Variants in NTM observed in about 807,000 individuals in gnomAD.
NTM encodes IgLON family member 2.
NTM carries 13 observed loss-of-function variants against 42.1 expected under a neutral mutation model. The ratio of observed to expected loss-of-function variants is 0.31; its 90% CI spans 0.20 to 0.49. The LOEUF is 0.49. NTM is among the 20% of genes least tolerant of loss of function. The pLI is 0.99. For synonymous variants in NTM, 187 were observed against 179.2 expected (o/e 1.04, Z -0.35); for missense variants, 373 against 452.8 (o/e 0.82, Z 1.60).
intron 1 of NTM, among the ~76,000 whole-genome samples, chr11:131,908,127 T>G (rs892625060): frequency 2.6e-5 from 4 of 152,216 alleles, no homozygotes; most frequent in African/African-American, 9.6e-5. Flanking sequence ...CTGCAACTGC[T>G]GGATTGCTAA....
intron 2 of NTM, among the ~76,000 whole-genome samples, chr11:132,042,942 A>C (rs1490840412): frequency 6.6e-6 from 1 of 152,160 alleles, no homozygotes; most frequent in African/African-American, 2.4e-5. Flanking sequence ...GCACAAAATA[A>C]ATATTTTAGA....
intron 2 of NTM, among the ~76,000 whole-genome samples, chr11:131,973,528 A>G (rs1450849596): frequency 1.3e-5 from 2 of 152,210 alleles, no homozygotes; most frequent in East Asian, 1.9e-4. Context: ...TTAGAAGACT[A>G]ACTGGCACAG....
intron 1 of NTM, among the ~76,000 whole-genome samples, chr11:131,616,135 G>T (rs2061909659): frequency 6.6e-6 from 1 of 152,194 alleles, no homozygotes; most frequent in Non-Finnish European, 1.5e-5. Context: ...TCAAGAGGTA[G>T]CAAATCATCT....
chr11:132,061,291 A>C (rs887311611), intron 2 of NTM, among the ~76,000 whole-genome samples: 2 of 152,226 alleles, frequency 1.3e-5, no homozygotes, highest in African/African-American at 4.8e-5. Flanking sequence ...TTCTAATAGA[A>C]TGGCCAATAA....
At chr11:131,892,365 T>G (rs912567032) in intron 1 of NTM, among the ~76,000 whole-genome samples, 3 of 152,268 alleles carry the variant, frequency 2.0e-5, no homozygotes, top group African/African-American at 4.8e-5. Flanking sequence ...TTTCTCATTC[T>G]CAAAAGTTTA....
intron 1 of NTM, among the ~76,000 whole-genome samples, chr11:131,729,994 T>C (rs998520588): frequency 6.6e-6 from 1 of 152,240 alleles, no homozygotes; most frequent in Non-Finnish European, 1.5e-5. Flanking sequence ...GGTAATTCTA[T>C]ATTTAACATT....
intron 1 of NTM, among the ~76,000 whole-genome samples, chr11:131,568,304 A>G (rs533379389): frequency 7.2e-5 from 11 of 152,352 alleles, no homozygotes; most frequent in African/African-American, 2.6e-4. Flanking sequence ...CTTGCAAGAC[A>G]GTGAATATTA....
chr11:131,841,707 G>C (rs559326152), intron 1 of NTM, among the ~76,000 whole-genome samples: 1 of 152,314 alleles, frequency 6.6e-6, no homozygotes, highest in African/African-American at 2.4e-5. Flanking sequence ...TGAGGGGTCA[G>C]TCCTGAAGGT....
chr11:131,510,694 T>C (rs1227846027), intron 1 of NTM, among the ~76,000 whole-genome samples: 2 of 152,250 alleles, frequency 1.3e-5, no homozygotes, highest in African/African-American at 4.8e-5. Flanking sequence ...TGGGGGCCTT[T>C]GTAACTGGAT....
At chr11:132,001,554 A>G (rs534897224) in intron 2 of NTM, among the ~76,000 whole-genome samples, 4 of 152,220 alleles carry the variant, frequency 2.6e-5, no homozygotes, top group South Asian at 4.1e-4. Flanking sequence ...GGAAGCAAGT[A>G]TCTCCACATG....
intron 1 of NTM, among the ~76,000 whole-genome samples, chr11:131,735,925 C>T (rs1015233157): frequency 3.4e-4 from 52 of 151,324 alleles, no homozygotes; most frequent in African/African-American, 1.3e-3. Context: ...CCTCCACCTC[C>T]CTGTTAAAGA....
intron 4 of NTM, among the ~76,000 whole-genome samples, chr11:132,296,867 T>C (rs1399513023): frequency 6.6e-6 from 1 of 152,218 alleles, no homozygotes. Context: ...GCAGAGCCCA[T>C]GCACGTGTTT....
At chr11:132,245,579 G>T (rs1456537717) in intron 4 of NTM, among the ~76,000 whole-genome samples, 1 of 152,170 alleles carries the variant, frequency 6.6e-6, no homozygotes, top group African/African-American at 2.4e-5. Flanking sequence ...GCAGGGAAAG[G>T]CTGGGAGTGA....
chr11:132,266,249 G>A (rs530980253), intron 4 of NTM, among the ~76,000 whole-genome samples: 1 of 152,156 alleles, frequency 6.6e-6, no homozygotes, highest in African/African-American at 2.4e-5. Flanking sequence ...TTAACTCTCC[G>A]CAAGTCCAGC....
At chr11:132,019,890 A>G (rs758793912) in intron 2 of NTM, among the ~76,000 whole-genome samples, 1 of 151,332 alleles carries the variant, frequency 6.6e-6, no homozygotes, top group Non-Finnish European at 1.5e-5. Context: ...CAGGTTTGTT[A>G]CAAAGGGATC....
Position 132,254,173 on chromosome 11 carries a change from T to C in NTM, c.526+42026T>C, listed in dbSNP as rs1591552089. On this transcript the variant is annotated intron_variant, in intron 4 of 8. Coordinates refer to ENST00000683400, the MANE Select transcript of NTM (RefSeq NM_001352005.2). ...CCAGGCACTTAGCCCTTAGACGCAC[T>C]GACAGGGCCTGTGTGTTCTACTGAG... Among the ~76,000 whole-genome samples the C allele has an allele frequency of 2.6e-5, 4 of 152,238 alleles. No individual in the cohort carries two copies. In the South Asian group the frequency reaches 8.3e-4, roughly 32 times the overall value.
At chr11:132,161,984 C>A (rs2074386646) in intron 3 of NTM, among the ~76,000 whole-genome samples, 1 of 152,164 alleles carries the variant, frequency 6.6e-6, no homozygotes, top group South Asian at 2.1e-4. Context: ...CACATCCAAC[C>A]CCGGTTGAAA....
intron 1 of NTM, among the ~76,000 whole-genome samples, chr11:131,375,615 A>G (rs1435194739): frequency 6.6e-6 from 1 of 152,134 alleles, no homozygotes; most frequent in Non-Finnish European, 1.5e-5. Flanking sequence ...AGGAGGCTTC[A>G]GTGTGGGACT....
chr11:131,513,570 T>A (rs986269217), intron 1 of NTM, among the ~76,000 whole-genome samples: 38 of 152,208 alleles, frequency 2.5e-4, no homozygotes, highest in African/African-American at 8.7e-4. Context: ...CCCAAGTCCT[T>A]CTTCCACTGT....
Sources: gnomAD v4.1 joint callset for allele counts (sites outside exome capture counted in the v4.1 genomes callset) on GRCh38, gnomAD v4.1.1 for gene constraint, MANE v1.5 for transcripts, NCBI Gene and HGNC (gene_info 2026-07-23, HGNC 2026-07-21) for gene names.